The following KIR2DL1 variants were observed in gnomAD, a reference collection of about 807,000 sequenced individuals.
The protein encoded by KIR2DL1 is killer cell immunoglobulin like receptor, two Ig domains and long cytoplasmic tail 1.
KIR2DL1 carries 38 observed loss-of-function variants against 33.9 expected under a neutral mutation model. The ratio of observed to expected loss-of-function variants is 1.12; its 90% CI spans 0.86 to 1.47. The LOEUF (loss-of-function observed/expected upper bound fraction) is 1.47. Ranked by LOEUF, KIR2DL1 falls within the 40% of genes most tolerant of loss-of-function variation. The pLI is 0.00. For missense variants in KIR2DL1, 531 were observed against 433.9 expected, an observed-to-expected ratio of 1.22 and a Z score of -1.99; for synonymous variants, 179 against 165.9, an observed-to-expected ratio of 1.08 and a Z score of -0.61.
At chr19:54,781,281 T>C (rs1318283785) in intron 5 of KIR2DL1, among the ~76,000 whole-genome samples, 15 of 147,658 alleles carry the variant, frequency 1.0e-4, no homozygotes, top group African/African-American at 3.7e-4. Flanking sequence ...ATTACTTCTT[T>C]GATCCTTTAT....
At chr19:54,770,305 C>A (rs2075531470) in intron 1 of KIR2DL1, among the ~76,000 whole-genome samples, 1 of 134,394 alleles carries the variant, frequency 7.4e-6, no homozygotes, top group African/African-American at 2.8e-5. Flanking sequence ...GAGATATGGG[C>A]CTAGAGGTCG....
At chr19:54,779,498 T>G (rs879575830) in intron 5 of KIR2DL1, among the ~76,000 whole-genome samples, 5 of 145,780 alleles carry the variant, frequency 3.4e-5, no homozygotes, top group Non-Finnish European at 7.6e-5. Context: ...ACCACACCTC[T>G]TTCTCTGAGT....
Position 54,773,377 on chromosome 19 carries a change from G to A in KIR2DL1, c.115G>A (p.Val39Met). Residue 39 changes from valine (V) to methionine (M), a missense_variant, in exon 3 of 8, where the codon GTG becomes ATG. Coordinates refer to ENST00000336077, the MANE Select transcript of KIR2DL1 (RefSeq NM_014218.3). ...CCTCCTGGCCCACCCAGGTCGCCTG[G>A]TGAAATCAGAAGAGACAGTCATCCT... Reference protein sequence around the residue: ...PSLLAHPGRLVKSEETVILQC... With the variant: ...PSLLAHPGRLMKSEETVILQC... The A allele has an allele frequency of 1.3e-6, 2 of 1,599,662 alleles. No individual in the cohort carries two copies. The highest frequency in any genetic ancestry group is 1.7e-4 in the Middle Eastern group (1 of 5,936).
In KIR2DL1 at chr19:54,783,570, C is replaced by G. The variant is rs78031895; in HGVS notation, c.870+32C>G. 3,888 of 1,613,132 alleles carry G rather than the reference C, an allele frequency of 2.4e-3. 79 individuals are homozygous for G. In the African/African-American group the frequency reaches 0.038, roughly 16 times the overall value. ...ACTCCTCGGCCCGGGCTCGTGGCTA[C>G]TGTTATTCCCAAAGAGTCCTGGAAA... On this transcript the variant is annotated intron_variant, in intron 7 of 7. Coordinates refer to ENST00000336077, the MANE Select transcript of KIR2DL1 (RefSeq NM_014218.3).
At chr19:54,778,500 A>C in intron 4 of KIR2DL1, 112 bp from the exon 5 acceptor site, 114 of 1,071,018 alleles carry the variant, frequency 1.1e-4, no homozygotes, top group Non-Finnish European at 1.3e-4. Flanking sequence ...CAGGACTCCC[A>C]GGGCTCAATA....
chr19:54,775,314 G>A lies in KIR2DL1; in HGVS notation c.520G>A (p.Gly174Arg), dbSNP rs1426709393. 2.5e-6 allele frequency: 4 copies of A among 1,584,430 alleles called. No individual in the cohort carries two copies. The highest frequency in any genetic ancestry group is 3.5e-6 in the Non-Finnish European group (4 of 1,155,566). Residue 174 changes from glycine (G) to arginine (R), a missense_variant, in exon 4 of 8, where the codon GGG becomes AGG. By Grantham distance (125) the Gly-to-Arg change is moderately radical. Transcript: ENST00000336077. ...GEAHERRLPA[G>R]PKVNGTFQAD... ...GGCCCATGAACGTAGGCTCCCTGCA[G>A]GGCCCAAGGTCAACGGAACATTCCA... is the stretch of plus-strand genomic sequence containing the variant.
At chr19:54,778,502 G>C in intron 4 of KIR2DL1, 110 bp from the exon 5 acceptor site, 2 of 1,111,858 alleles carry the variant, frequency 1.8e-6, no homozygotes, top group African/African-American at 1.7e-5. Context: ...GGACTCCCAG[G>C]GCTCAATATT....
At chr19:54,774,886 A>T (rs2076145196) in intron 3 of KIR2DL1, among the ~76,000 whole-genome samples, 1 of 148,642 alleles carries the variant, frequency 6.7e-6, no homozygotes, top group Non-Finnish European at 1.5e-5. Flanking sequence ...CTCAGAATTA[A>T]AAAAAGTAAC....
chr19:54,782,213 C>T (rs368465007), intron 5 of KIR2DL1, among the ~76,000 whole-genome samples: 3 of 151,206 alleles, frequency 2.0e-5, no homozygotes, highest in South Asian at 4.2e-4. Flanking sequence ...CACTGCATGA[C>T]GTCCTCCAGG....
rs1314220898 is a variant in KIR2DL1, at chr19:54,778,431, A to C, written c.665-181A>C. Among the ~76,000 whole-genome samples the C allele has an allele frequency of 1.4e-5, 2 of 146,820 alleles. 1 individual carries two copies. Among genetic ancestry groups the C allele is most frequent in the Non-Finnish European group, 3.0e-5 (2 of 65,726 alleles). ...AGTGTGATGCTCCTGTTTTCTCTTT[A>C]TATCTTGAAGTCTCAAGACAGTGGG... On this transcript the variant is annotated intron_variant, in intron 4 of 7. Coordinates refer to ENST00000336077, the MANE Select transcript of KIR2DL1 (RefSeq NM_014218.3).
chr19:54,775,097 T>C (rs2076163426), intron 3 of KIR2DL1, 68 bp from the exon 4 acceptor site: 1 of 1,491,672 alleles, frequency 6.7e-7, no homozygotes, highest in Non-Finnish European at 9.1e-7. Flanking sequence ...GAGTGAGTTC[T>C]CAGCTCAGGT....
In KIR2DL1 at chr19:54,783,499, G is replaced by A. The variant is rs1221479287; in HGVS notation, c.831G>A (p.Met277Ile). ...WCSNKKNAAV[M>I]DQESAGNRTA... is the part of the protein sequence containing the mutation. ...CATCTTCTACAGATGCTGCGGTAAT[G>A]GACCAAGAGTCTGCAGGAAACAGAA... The change falls in exon 7 of 8, where the codon ATG becomes ATA. Residue 277 changes from methionine (M) to isoleucine (I), a missense_variant. By Grantham distance (10) the Met-to-Ile change is conservative. Transcript: ENST00000336077. 2 of 1,613,500 alleles carry A rather than the reference G, an allele frequency of 1.2e-6. No individual in the cohort carries two copies. The highest frequency in any genetic ancestry group is 1.7e-6 in the Non-Finnish European group (2 of 1,179,792).
At chr19:54,770,338 T>A (rs1438742064) in intron 1 of KIR2DL1, among the ~76,000 whole-genome samples, 1 of 137,160 alleles carries the variant, frequency 7.3e-6, no homozygotes, top group African/African-American at 2.8e-5. Context: ...GGAGTGGAGA[T>A]ATGGGCCAGG....
intron 5 of KIR2DL1, among the ~76,000 whole-genome samples, chr19:54,782,502 G>A (rs921916545): frequency 6.6e-6 from 1 of 152,016 alleles, no homozygotes; most frequent in African/African-American, 2.4e-5. Flanking sequence ...GAGGGAGCAA[G>A]GGGGAGGGGG....
At chr19:54,780,662 C>T (rs977566545) in intron 5 of KIR2DL1, among the ~76,000 whole-genome samples, 16 of 143,060 alleles carry the variant, frequency 1.1e-4, no homozygotes, top group African/African-American at 4.1e-4. Flanking sequence ...AAATGTGGTG[C>T]TGATTTAGAC....
intron 4 of KIR2DL1, among the ~76,000 whole-genome samples, chr19:54,776,265 T>A (rs1271500794): frequency 1.4e-5 from 2 of 147,600 alleles, no homozygotes; most frequent in Admixed American, 1.4e-4. Flanking sequence ...ACATTTTTTT[T>A]ACCCTCCACC....
intron 2 of KIR2DL1, among the ~76,000 whole-genome samples, chr19:54,771,468 G>A (rs1392538753): frequency 1.4e-5 from 2 of 147,512 alleles, no homozygotes; most frequent in East Asian, 1.9e-4. Flanking sequence ...TTGTGTTTGC[G>A]GGATGGGTCC....
chr19:54,781,218 C>A (rs1199547095), intron 5 of KIR2DL1, among the ~76,000 whole-genome samples: 12 of 103,184 alleles, frequency 1.2e-4, no homozygotes, highest in African/African-American at 4.6e-4. Context: ...ATAAAACACA[C>A]ACGAATGACA....
At chr19:54,776,235 TTTTATA>T (rs2076319618) in intron 4 of KIR2DL1, among the ~76,000 whole-genome samples, 1 of 104,812 alleles carries the variant, frequency 9.5e-6, no homozygotes, top group South Asian at 4.7e-4. Flanking sequence ...ATAAATACAT[TTTTATA>T]TATATATATA....
Sources: allele counts gnomAD v4.1 joint callset (sites outside exome capture counted in the v4.1 genomes callset), GRCh38; gene constraint gnomAD v4.1.1; transcripts MANE v1.5; gene names NCBI Gene and HGNC (gene_info 2026-07-23, HGNC 2026-07-21).